AP1S3: variants seen among roughly 807,000 people sequenced by gnomAD.
AP1S3 encodes the protein AP-1 complex subunit sigma-3.
AP1S3 carries 10 observed loss-of-function variants against 20.9 expected under a neutral mutation model. The ratio of observed to expected loss-of-function variants is 0.48; its 90% confidence interval spans 0.29 to 0.81. AP1S3 has a LOEUF of 0.81. Ranked by LOEUF, AP1S3 falls within the 30% of genes least tolerant of loss-of-function variation. The pLI is 0.08. For missense variants in AP1S3, 154 were observed against 183.8 expected (o/e 0.84, Z 0.94); for synonymous variants, 41 against 61.5 (o/e 0.67, Z 1.56).
At chr2:223,786,065 G>T (rs1028405309) in intron 1 of AP1S3, among the ~76,000 whole-genome samples, 1 of 152,186 alleles carries the variant, frequency 6.6e-6, no homozygotes, top group African/African-American at 2.4e-5. Flanking sequence ...GGGGCAGGAG[G>T]TATATGAGAG....
intron 2 of AP1S3, 178 bp from the exon 3 acceptor site, chr2:223,776,187 T>C: frequency 1.4e-6 from 1 of 695,348 alleles, no homozygotes; most frequent in South Asian, 1.5e-5. Context: ...TATATGAAAA[T>C]TCTGTGGGGG....
chr2:223,777,207 C>A (rs923055205), intron 2 of AP1S3, among the ~76,000 whole-genome samples: 1 of 152,112 alleles, frequency 6.6e-6, no homozygotes, highest in Non-Finnish European at 1.5e-5. Flanking sequence ...ACCAGCCTGG[C>A]CAACATGGTG....
rs138909485 is a variant in AP1S3 at position 223,815,233 on chromosome 2, G to T, written c.3+22215C>A. On this transcript the variant is annotated intron_variant, in intron 1 of 4. Transcript: ENST00000396654. ...TGGAAAAATCTTTGAGTACTTTTTG[G>T]CATCAAACCAAGAACACAGTCATCA... is the stretch of plus-strand genomic sequence containing the variant. Among the ~76,000 whole-genome samples the T allele has an allele frequency of 1.1e-4, 17 of 152,240 alleles. No individual in the cohort carries two copies. The East Asian group carries it at 3.3e-3, about 29-fold the overall frequency.
In AP1S3 at chr2:223,781,048, C is replaced by T. The variant is rs930245354; in HGVS notation, c.4-3179G>A. ...GTGAGAACATGCAATATTTGGTTTTCTGTTCCTGTGTTAATTCCCTTAGGA... is the reference window on the plus strand; with the variant it reads ...GTGAGAACATGCAATATTTGGTTTTTTGTTCCTGTGTTAATTCCCTTAGGA... On this transcript the variant is annotated intron_variant, in intron 1 of 4. Coordinates refer to ENST00000396654, the MANE Select transcript of AP1S3 (RefSeq NM_001039569.2). Among the ~76,000 whole-genome samples, 3 of 151,220 alleles carry T rather than the reference C, an allele frequency of 2.0e-5. No individual in the cohort carries two copies. In the Admixed American group the frequency reaches 2.0e-4, roughly 10 times the overall value.
chr2:223,763,250 G>A (rs1016237664), intron 4 of AP1S3, among the ~76,000 whole-genome samples: 2 of 152,188 alleles, frequency 1.3e-5, no homozygotes, highest in East Asian at 1.9e-4. Flanking sequence ...TCACCAATTA[G>A]CATTTAATTG....
At chr2:223,776,496 A>G (rs1410136733) in intron 2 of AP1S3, among the ~76,000 whole-genome samples, 2 of 152,124 alleles carry the variant, frequency 1.3e-5, no homozygotes, top group Admixed American at 6.5e-5. Flanking sequence ...ACTTGCTGGT[A>G]ATTTACTCCA....
At chr2:223,800,477 C>G (rs1574712027) in intron 1 of AP1S3, among the ~76,000 whole-genome samples, 1 of 152,044 alleles carries the variant, frequency 6.6e-6, no homozygotes, top group Non-Finnish European at 1.5e-5. Context: ...CTGCAATGAG[C>G]TATGATCAGG....
intron 1 of AP1S3, among the ~76,000 whole-genome samples, chr2:223,796,939 C>T (rs760981028): frequency 6.6e-6 from 1 of 152,250 alleles, no homozygotes; most frequent in Admixed American, 6.5e-5. Context: ...GCTGGGATTA[C>T]AGGCATGAGC....
intron 1 of AP1S3, among the ~76,000 whole-genome samples, chr2:223,820,327 T>A (rs1345120): frequency 6.6e-6 from 1 of 151,886 alleles, no homozygotes; most frequent in Non-Finnish European, 1.5e-5. Flanking sequence ...TGGCTTGGAA[T>A]GTAATATGCA....
At chr2:223,826,966 G>A (rs1692142428) in intron 1 of AP1S3, among the ~76,000 whole-genome samples, 1 of 152,008 alleles carries the variant, frequency 6.6e-6, no homozygotes, top group East Asian at 1.9e-4. Flanking sequence ...TATCCCCAGG[G>A]CCTTTTATAC....
Position 223,809,963 on chromosome 2 carries a change from G to A in AP1S3, c.3+27485C>T, listed in dbSNP as rs1691683548. Among the ~76,000 whole-genome samples the A allele has an allele frequency of 2.0e-5, 3 of 151,726 alleles. 1 individual carries two copies. Among genetic ancestry groups the A allele is most frequent in the Admixed American group, 2.0e-4 (3 of 15,230 alleles). ...AGGCTGGTCTCAAACTCCTGACCTC[G>A]TGATCCACCCGCCTCGGCCTCCCAA... On this transcript the variant is annotated intron_variant, in intron 1 of 4. Coordinates refer to ENST00000396654, the MANE Select transcript of AP1S3 (RefSeq NM_001039569.2).
At chr2:223,767,255 T>A (rs895290455) in intron 3 of AP1S3, among the ~76,000 whole-genome samples, 1 of 152,120 alleles carries the variant, frequency 6.6e-6, no homozygotes, top group African/African-American at 2.4e-5. Context: ...CTCAGCCACA[T>A]GTGGTACTCT....
At chr2:223,770,524 ACACACACC>A (rs1395857581) in intron 3 of AP1S3, among the ~76,000 whole-genome samples, 4 of 151,582 alleles carry the variant, frequency 2.6e-5, no homozygotes, top group African/African-American at 9.7e-5. Flanking sequence ...ACACACACAC[ACACACACC>A]CCTTGATATA....
At chr2:223,812,790 G>A (rs949533853) in intron 1 of AP1S3, among the ~76,000 whole-genome samples, 1 of 152,140 alleles carries the variant, frequency 6.6e-6, no homozygotes, top group Non-Finnish European at 1.5e-5. Context: ...TTCAGTAGTA[G>A]AGGGAGAGAG....
chr2:223,836,550 G>A (rs566487657), intron 1 of AP1S3, among the ~76,000 whole-genome samples: 1 of 152,274 alleles, frequency 6.6e-6, no homozygotes, highest in Non-Finnish European at 1.5e-5. Context: ...GACCAGCCTG[G>A]CCAACATGGT....
intron 1 of AP1S3, among the ~76,000 whole-genome samples, chr2:223,796,689 G>A (rs140260109): frequency 1.5e-3 from 234 of 152,214 alleles, no homozygotes; most frequent in Non-Finnish European, 2.5e-3. Flanking sequence ...TCGAGATGGA[G>A]TTTCATTCTT....
chr2:223,800,977 A>G (rs7583875), intron 1 of AP1S3, among the ~76,000 whole-genome samples: 62,224 of 152,084 alleles, frequency 0.41, 12,910 homozygotes, highest in Middle Eastern at 0.48. Flanking sequence ...TTCCCAGCCC[A>G]AGGCTATTTG....
intron 3 of AP1S3, among the ~76,000 whole-genome samples, chr2:223,771,701 A>G (rs1018350463): frequency 1.3e-5 from 2 of 152,270 alleles, no homozygotes; most frequent in Non-Finnish European, 2.9e-5. Flanking sequence ...GAATCTAAGA[A>G]GCACATGTAC....
At chr2:223,771,716 T>G (rs1378606242) in intron 3 of AP1S3, among the ~76,000 whole-genome samples, 1 of 152,246 alleles carries the variant, frequency 6.6e-6, no homozygotes, top group Non-Finnish European at 1.5e-5. Context: ...ATGTACTTAT[T>G]AAATGATGCT....
Sources: allele counts gnomAD v4.1 joint callset (sites outside exome capture counted in the v4.1 genomes callset), GRCh38; gene constraint gnomAD v4.1.1; transcripts MANE v1.5; gene names NCBI Gene and HGNC (gene_info 2026-07-23, HGNC 2026-07-21).